The following RBMS3 variants were observed in gnomAD, a reference collection of about 807,000 sequenced individuals.
RBMS3 encodes the protein RNA binding motif single stranded interacting protein 3.
RBMS3 carries 27 observed loss-of-function variants against 66.8 expected under a neutral mutation model. The ratio of observed to expected loss-of-function variants is 0.40; its 90% CI spans 0.30 to 0.56. RBMS3 has a LOEUF of 0.56. Among genes scored for constraint, RBMS3 ranks in the 20% least tolerant of loss-of-function variants. RBMS3 has a pLI of 0.40. For missense variants in RBMS3, 513 were observed against 549.5 expected, an observed-to-expected ratio of 0.93 and a Z score of 0.66; for synonymous variants, 188 against 183.0, an observed-to-expected ratio of 1.03 and a Z score of -0.22.
chr3:29,352,202 G>A (rs758537955), intron 1 of RBMS3, among the ~76,000 whole-genome samples: 19 of 151,886 alleles, frequency 1.3e-4, no homozygotes, highest in East Asian at 3.9e-4. Flanking sequence ...CTGCAACTGC[G>A]TCTTTTTTTG....
chr3:29,582,122 A>T (rs760022363), intron 3 of RBMS3, among the ~76,000 whole-genome samples: 4 of 151,980 alleles, frequency 2.6e-5, no homozygotes, highest in Non-Finnish European at 4.4e-5. Flanking sequence ...AACCATCTGG[A>T]CACTACTATT....
At chr3:29,401,251 A>T (rs970342299) in intron 1 of RBMS3, among the ~76,000 whole-genome samples, 1 of 152,110 alleles carries the variant, frequency 6.6e-6, no homozygotes, top group Non-Finnish European at 1.5e-5. Context: ...AAAATAGCTC[A>T]CATTAATATT....
At chr3:29,498,277 G>A (rs1471916401) in intron 3 of RBMS3, among the ~76,000 whole-genome samples, 1 of 151,844 alleles carries the variant, frequency 6.6e-6, no homozygotes, top group Non-Finnish European at 1.5e-5. Context: ...TTACAGGCGT[G>A]AACCACTGAG....
chr3:29,414,797 C>T (rs1296686290), intron 1 of RBMS3, among the ~76,000 whole-genome samples: 1 of 152,158 alleles, frequency 6.6e-6, no homozygotes, highest in Non-Finnish European at 1.5e-5. Context: ...GACTATCAGT[C>T]AAGCATCGGG....
intron 4 of RBMS3, among the ~76,000 whole-genome samples, chr3:29,669,927 G>A (rs944670995): frequency 6.6e-6 from 1 of 152,142 alleles, no homozygotes; most frequent in Admixed American, 6.5e-5. Context: ...TCTTACACTG[G>A]TGTCCTTTGC....
intron 2 of RBMS3, among the ~76,000 whole-genome samples, chr3:29,437,596 G>T (rs2041448389): frequency 6.6e-6 from 1 of 152,132 alleles, no homozygotes; most frequent in African/African-American, 2.4e-5. Context: ...CTAGAACTGG[G>T]ATTTATTGCT....
At chr3:30,001,771 TTTTTA>T (rs947345504) in intron 14 of RBMS3, among the ~76,000 whole-genome samples, 52 of 150,754 alleles carry the variant, frequency 3.4e-4, no homozygotes, top group African/African-American at 5.8e-4. Flanking sequence ...AAGTTATTTC[TTTTTA>T]TTTTATTTCT....
At chr3:29,816,273 C>T (rs888932150) in intron 6 of RBMS3, among the ~76,000 whole-genome samples, 5 of 151,018 alleles carry the variant, frequency 3.3e-5, no homozygotes, top group Admixed American at 3.3e-4. Flanking sequence ...TGTGCATCCC[C>T]CTGTGCGCGC....
chr3:29,810,120 G>T (rs1464283042), intron 6 of RBMS3, among the ~76,000 whole-genome samples: 1 of 152,022 alleles, frequency 6.6e-6, no homozygotes, highest in Non-Finnish European at 1.5e-5. Flanking sequence ...TTTGTTAATA[G>T]AAGTAATTAT....
At chr3:29,442,732 G>A (rs563619255) in intron 2 of RBMS3, among the ~76,000 whole-genome samples, 1 of 152,156 alleles carries the variant, frequency 6.6e-6, no homozygotes, top group African/African-American at 2.4e-5. Flanking sequence ...TTTTTTAATT[G>A]ATAAATACAG....
Position 29,990,798 on chromosome 3 carries a change from T to C in RBMS3, c.1180-284T>C, listed in dbSNP as rs189868332. 1.9e-4 allele frequency among the ~76,000 whole-genome samples: 29 copies of C among 152,294 alleles called. 1 individual carries two copies. The highest frequency in any genetic ancestry group is 3.8e-4 in the Non-Finnish European group (26 of 68,022). ...AATTGGCATTTATTGTGGATAAATG[T>C]GCAAACCTGGTTTAAAAGTTCCAAG... On this transcript the variant is annotated intron_variant, in intron 13 of 14. Transcript: ENST00000383767.
chr3:29,851,717 G>A (rs1268559068), intron 6 of RBMS3, among the ~76,000 whole-genome samples: 5 of 152,170 alleles, frequency 3.3e-5, no homozygotes, highest in Admixed American at 6.5e-5. Flanking sequence ...GCCACATTCT[G>A]GTAAATCTGT....
At chr3:29,884,469 T>TCTCTCTCTCTCTCTCC (rs1553692501) in intron 8 of RBMS3, among the ~76,000 whole-genome samples, 3 of 66,332 alleles carry the variant, frequency 4.5e-5, no homozygotes, top group African/African-American at 1.6e-4. Context: ...TCTCTCTCTC[T>TCTCTCTCTCTCTCTCC]CCCCCCCCGC....
At chr3:29,627,825 A>G (rs1278989153) in intron 4 of RBMS3, among the ~76,000 whole-genome samples, 1 of 152,132 alleles carries the variant, frequency 6.6e-6, no homozygotes, top group Admixed American at 6.6e-5. Flanking sequence ...AGCAAGAAAG[A>G]TAAGTGGTTA....
intron 1 of RBMS3, among the ~76,000 whole-genome samples, chr3:29,326,101 A>G (rs2035319659): frequency 6.6e-6 from 1 of 152,120 alleles, no homozygotes; most frequent in African/African-American, 2.4e-5. Context: ...TCTGAATCTC[A>G]GGCTTTCCTT....
At chr3:29,765,416 G>T (rs6762107) in intron 6 of RBMS3, among the ~76,000 whole-genome samples, 72,713 of 151,634 alleles carry the variant, frequency 0.48, 18,114 homozygotes, top group African/African-American at 0.61. Flanking sequence ...GCCAATTTCC[G>T]AATCTTTTTC....
At chr3:29,892,830 T>C (rs868814221) in intron 8 of RBMS3, among the ~76,000 whole-genome samples, 92 of 139,468 alleles carry the variant, frequency 6.6e-4, no homozygotes, top group African/African-American at 2.5e-3. Context: ...TATGTATGTA[T>C]GTATGTATGT....
intron 1 of RBMS3, among the ~76,000 whole-genome samples, chr3:29,391,537 A>G (rs2039295388): frequency 6.6e-6 from 1 of 152,216 alleles, no homozygotes; most frequent in African/African-American, 2.4e-5. Flanking sequence ...GAGTTTATGA[A>G]GACTGACACA....
rs371674590 is a variant in RBMS3, at chr3:29,587,299, G to A, written c.399+94G>A. 3.5e-5 allele frequency: 24 copies of A among 694,540 alleles called. No homozygotes were observed. In the East Asian group the frequency reaches 3.6e-4, roughly 11 times the overall value. 43.0% of individuals were successfully genotyped at this position (694,540 alleles called of 1,614,324 possible). ...GTGTGAAAGAGAGAGAGAGAGATCA[G>A]GAGGAAGGAAGAAGGAGAGATTAAA... On this transcript the variant is annotated intron_variant, in intron 4 of 14. Coordinates refer to ENST00000383767, the MANE Select transcript of RBMS3 (RefSeq NM_001003793.3).
Sources: gnomAD v4.1 joint callset for allele counts (sites outside exome capture counted in the v4.1 genomes callset) on GRCh38, gnomAD v4.1.1 for gene constraint, MANE v1.5 for transcripts, NCBI Gene and HGNC (gene_info 2026-07-23, HGNC 2026-07-21) for gene names.